Variants in PDE7B observed in about 807,000 individuals in gnomAD.
PDE7B encodes 3',5'-cyclic-AMP phosphodiesterase 7B.
PDE7B carries 29 observed loss-of-function variants against 56.2 expected under a neutral mutation model. That is an observed-to-expected ratio of 0.52 (90% CI 0.38 to 0.70). The LOEUF is 0.70. Among genes scored for constraint, PDE7B ranks in the 30% least tolerant of loss-of-function variants. PDE7B has a pLI of 0.00. For synonymous variants in PDE7B, 197 were observed against 196.9 expected (o/e 1.00, Z 0.00); for missense variants, 490 against 565.0 (o/e 0.87, Z 1.35).
intron 2 of PDE7B, among the ~76,000 whole-genome samples, chr6:136,061,034 G>A (rs1776829318): frequency 6.6e-6 from 1 of 152,036 alleles, no homozygotes; most frequent in Non-Finnish European, 1.5e-5. Context: ...GAAGGTAAAT[G>A]AATAAGGCAA....
chr6:135,905,575 T>A (rs140469082), intron 1 of PDE7B, among the ~76,000 whole-genome samples: 1 of 152,314 alleles, frequency 6.6e-6, no homozygotes, highest in African/African-American at 2.4e-5. Context: ...TGGATTATTG[T>A]AATTTATAAA....
intron 2 of PDE7B, among the ~76,000 whole-genome samples, chr6:135,968,467 T>A (rs1157127180): frequency 6.6e-6 from 1 of 151,604 alleles, no homozygotes; most frequent in Non-Finnish European, 1.5e-5. Flanking sequence ...AGAAAAAAAA[T>A]TAAGAAAGTG....
At chr6:136,067,532 T>C (rs932738095) in intron 2 of PDE7B, among the ~76,000 whole-genome samples, 4 of 152,206 alleles carry the variant, frequency 2.6e-5, no homozygotes, top group Admixed American at 1.3e-4. Flanking sequence ...GACATTCTAA[T>C]TAAGACTTGA....
chr6:135,902,518 T>TC (rs11383408), intron 1 of PDE7B, among the ~76,000 whole-genome samples: 21,061 of 152,022 alleles, frequency 0.14, 1,927 homozygotes, highest in African/African-American at 0.25. Context: ...TATTTGAGAT[T>TC]TTGAGCACTC....
At chr6:136,079,462 G>C (rs1777172799) in intron 2 of PDE7B, among the ~76,000 whole-genome samples, 1 of 151,986 alleles carries the variant, frequency 6.6e-6, no homozygotes, top group African/African-American at 2.4e-5. Flanking sequence ...CATTTCAATG[G>C]CTCCAGAGTA....
chr6:135,949,172 G>A (rs1206460773), intron 2 of PDE7B, among the ~76,000 whole-genome samples: 1 of 151,982 alleles, frequency 6.6e-6, no homozygotes, highest in African/African-American at 2.4e-5. Flanking sequence ...TTTGATTGTA[G>A]CTTTCACCTG....
intron 2 of PDE7B, among the ~76,000 whole-genome samples, chr6:136,013,011 A>C (rs1017697649): frequency 2.6e-5 from 4 of 152,234 alleles, no homozygotes; most frequent in Admixed American, 6.5e-5. Context: ...ACGAAAGCTA[A>C]TGGTTTACAG....
chr6:135,968,934 C>T (rs1775045982), intron 2 of PDE7B, among the ~76,000 whole-genome samples: 1 of 152,154 alleles, frequency 6.6e-6, no homozygotes, highest in Non-Finnish European at 1.5e-5. Flanking sequence ...GGTACATATA[C>T]ACCATGGAAT....
chr6:136,019,677 G>A (rs913115940), intron 2 of PDE7B, among the ~76,000 whole-genome samples: 3 of 152,110 alleles, frequency 2.0e-5, no homozygotes, highest in Non-Finnish European at 4.4e-5. Context: ...ACTACTAATA[G>A]CCTATTTTGA....
chr6:135,868,431 CTT>C (rs562195190), intron 1 of PDE7B, among the ~76,000 whole-genome samples: 7 of 146,438 alleles, frequency 4.8e-5, no homozygotes, highest in African/African-American at 9.9e-5. Flanking sequence ...GGGAGATAAA[CTT>C]TTTTTTTTTT....
At chr6:135,878,303 G>A (rs1775539405) in intron 1 of PDE7B, among the ~76,000 whole-genome samples, 1 of 151,738 alleles carries the variant, frequency 6.6e-6, no homozygotes, top group Non-Finnish European at 1.5e-5. Flanking sequence ...TGTGTTTATA[G>A]TGGGAAAGAG....
chr6:136,119,892 C>T (rs533153648), intron 3 of PDE7B, among the ~76,000 whole-genome samples: 2 of 152,132 alleles, frequency 1.3e-5, no homozygotes, highest in Non-Finnish European at 2.9e-5. Flanking sequence ...AAATAAAACA[C>T]CAGGATTCCC....
chr6:136,010,350 G>A (rs1324896203), intron 2 of PDE7B, among the ~76,000 whole-genome samples: 4 of 151,274 alleles, frequency 2.6e-5, no homozygotes, highest in African/African-American at 7.3e-5. Flanking sequence ...ACCTGCAGGG[G>A]GTATGGCTAG....
intron 2 of PDE7B, among the ~76,000 whole-genome samples, chr6:135,968,563 A>G (rs947450729): frequency 1.3e-5 from 2 of 152,328 alleles, no homozygotes; most frequent in Admixed American, 6.5e-5. Context: ...ATCACTGATC[A>G]TTATAGTAAT....
At chr6:136,134,734 CAAAAAAA>C (rs67667001) in intron 3 of PDE7B, among the ~76,000 whole-genome samples, 1,082 of 91,306 alleles carry the variant, frequency 0.012, 13 homozygotes, top group South Asian at 0.016. Flanking sequence ...TTATGGTAGG[CAAAAAAA>C]AAAAAAAAAA....
At chr6:135,983,739 G>A (rs1775333570) in intron 2 of PDE7B, among the ~76,000 whole-genome samples, 2 of 152,162 alleles carry the variant, frequency 1.3e-5, no homozygotes, top group African/African-American at 4.8e-5. Flanking sequence ...ATGTAAGAAG[G>A]ATTCATTGAT....
chr6:135,855,013 G>A (rs1775000026), intron 1 of PDE7B, among the ~76,000 whole-genome samples: 1 of 152,154 alleles, frequency 6.6e-6, no homozygotes, highest in African/African-American at 2.4e-5. Context: ...ATTTCATGAA[G>A]TGCACTAGAA....
At chr6:136,108,902 CT>C (rs1777700677) in intron 3 of PDE7B, 88 bp downstream of exon 3, 2 of 836,732 alleles carry the variant, frequency 2.4e-6, no homozygotes, top group Non-Finnish European at 4.1e-6. Context: ...ACTTCGAAAC[CT>C]TCTGGGGTCT....
intron 1 of PDE7B, among the ~76,000 whole-genome samples, chr6:135,875,272 C>G (rs1177578530): frequency 6.6e-6 from 1 of 150,736 alleles, no homozygotes; most frequent in Non-Finnish European, 1.5e-5. Context: ...TTTTTTGTTA[C>G]TTCTTTGCTT....
Sources: gnomAD v4.1 joint callset for allele counts (sites outside exome capture counted in the v4.1 genomes callset) on GRCh38, gnomAD v4.1.1 for gene constraint, MANE v1.5 for transcripts, NCBI Gene and HGNC (gene_info 2026-07-23, HGNC 2026-07-21) for gene names.